The following USP35 variants were observed in gnomAD, a reference collection of about 807,000 sequenced individuals.
The protein encoded by USP35 is ubiquitin specific peptidase 35.
In USP35, 69 loss-of-function variants were observed where a neutral mutation model predicts 83.8. The observed-to-expected ratio is 0.82, with a 90% CI of 0.68 to 1.01. USP35 has a LOEUF of 1.01. Among genes scored for constraint, USP35 ranks in the 50% least tolerant of loss-of-function variants. USP35 has a pLI of 0.00. For synonymous variants in USP35, 714 were observed against 589.5 expected (o/e 1.21, Z -3.06); for missense variants, 1,503 against 1,362.5 (o/e 1.10, Z -1.62).
Position 78,209,512 on chromosome 11 carries a change from T to C in USP35, c.1657T>C (p.Ser553Pro), listed in dbSNP as rs1210777681. 1 of 1,613,880 alleles carries C rather than the reference T, an allele frequency of 6.2e-7. No homozygotes were observed. The highest frequency in any genetic ancestry group is 8.5e-7 in the Non-Finnish European group (1 of 1,179,984). Residue 553 changes from serine (S) to proline (P), a missense_variant, in exon 10 of 11, where the codon TCT becomes CCT. Coordinates refer to ENST00000529308, the MANE Select transcript of USP35 (RefSeq NM_020798.4). Reference sequence around the variant, plus strand: ...GAAACTCAAGCAGTCCAGCTCGCCCTCTCCGCCCGAGGAGCCCCCGGCCCC... The same window carrying C: ...GAAACTCAAGCAGTCCAGCTCGCCCCCTCCGCCCGAGGAGCCCCCGGCCCC... ...CQKLKQSSSP[S>P]PPEEPPAPSS...
Position 78,197,188 on chromosome 11 carries a change from G to C in USP35, c.673+270G>C, listed in dbSNP as rs114714784. ...AAAAGGATACGGGTCAGCCTGGCCG[G>C]AGGGAGGAACGGGAAGTTGAGCAAG... On this transcript the variant is annotated intron_variant, in intron 2 of 10. Coordinates refer to ENST00000529308, the MANE Select transcript of USP35 (RefSeq NM_020798.4). Among the ~76,000 whole-genome samples, 903 of 150,352 alleles carry C rather than the reference G, an allele frequency of 6.0e-3. 16 individuals are homozygous for C. The highest frequency in any genetic ancestry group is 0.021 in the African/African-American group (872 of 40,922).
At chr11:78,191,910 C>G (rs1863017213) in intron 1 of USP35, among the ~76,000 whole-genome samples, 1 of 144,032 alleles carries the variant, frequency 6.9e-6, no homozygotes, top group African/African-American at 2.6e-5. Context: ...GTGGCATGAT[C>G]TCGGCTCACT....
chr11:78,206,060 G>A (rs1295299017), intron 7 of USP35, 25 bp downstream of exon 7: 2 of 1,597,454 alleles, frequency 1.3e-6, no homozygotes, highest in Admixed American at 3.4e-5. Flanking sequence ...GGAATTCCCT[G>A]TCTGCCCTTG....
chr11:78,197,605 C>G (rs1385013431), intron 2 of USP35, among the ~76,000 whole-genome samples: 1 of 152,202 alleles, frequency 6.6e-6, no homozygotes, highest in Non-Finnish European at 1.5e-5. Flanking sequence ...TGTGGCTCCA[C>G]TTGGAGTATC....
chr11:78,217,196 C>T (rs542797571), downstream of USP35: 14 of 152,410 alleles, frequency 9.2e-5, no homozygotes, highest in Admixed American at 5.9e-4. Flanking sequence ...CCTCCATCAG[C>T]ATTTGAAGTC....
At position 78,196,391 on chromosome 11, in the gene USP35, A is replaced by G; in HGVS notation, c.146A>G (p.Tyr49Cys). ...LALLALGARL[Y>C]VGGAEELPRR... ...CTGCTGGCGCTGGGCGCGCGCCTCTACGTGGGCGGCGCGGAGGAGCTGCCG... is the reference window on the plus strand; with the variant it reads ...CTGCTGGCGCTGGGCGCGCGCCTCTGCGTGGGCGGCGCGGAGGAGCTGCCG... Residue 49 changes from tyrosine (Y) to cysteine (C), a missense_variant, in exon 2 of 11, where the codon TAC becomes TGC. Coordinates refer to ENST00000529308, the MANE Select transcript of USP35 (RefSeq NM_020798.4). The surrounding 1 kb of genome is among the most constrained non-coding windows in gnomAD (Gnocchi z 4.8). 2 of 1,436,292 alleles carry G rather than the reference A, an allele frequency of 1.4e-6. No homozygotes were observed. The highest frequency in any genetic ancestry group is 1.8e-6 in the Non-Finnish European group (2 of 1,107,388). The allele number at this position is 1,436,292 out of a possible 1,614,324, so 89.0% of individuals were successfully genotyped here.
rs974536480 is a variant in USP35, at chr11:78,200,023, C to T, written c.937-110C>T. On this transcript the variant is annotated intron_variant, in intron 4 of 10. Transcript: ENST00000529308. ...TGTGAGCACCTCAGTGTTGATCCCTCTGCATGGGTTTGAACTCTAGGGTGT... is the reference window on the plus strand; with the variant it reads ...TGTGAGCACCTCAGTGTTGATCCCTTTGCATGGGTTTGAACTCTAGGGTGT... 185 of 1,207,940 alleles carry T rather than the reference C, an allele frequency of 1.5e-4. 1 individual carries two copies. The highest frequency in any genetic ancestry group is 2.1e-4 in the Non-Finnish European group (172 of 820,052). 74.8% of individuals were successfully genotyped at this position (1,207,940 alleles called of 1,614,324 possible).
At chr11:78,229,925 A>T in the USP35 span, among the ~76,000 whole-genome samples, 1 of 152,212 alleles carries the variant, frequency 6.6e-6, no homozygotes, top group Admixed American at 6.5e-5. Flanking sequence ...GGCCATTCTT[A>T]CATCCTCTAC....
the USP35 span, chr11:78,232,025 A>G: frequency 6.6e-6 from 1 of 152,236 alleles, no homozygotes; most frequent in African/African-American, 2.4e-5. Context: ...CAATCTTTGT[A>G]TCTCAAACCC....
At chr11:78,190,795 G>C (rs186842636) in intron 1 of USP35, among the ~76,000 whole-genome samples, 1 of 152,310 alleles carries the variant, frequency 6.6e-6, no homozygotes, top group Non-Finnish European at 1.5e-5. Context: ...GGAGAGAAGA[G>C]GGAAAAGCCC....
the USP35 span, among the ~76,000 whole-genome samples, chr11:78,220,624 GA>G: frequency 1.3e-5 from 2 of 152,278 alleles, no homozygotes; most frequent in East Asian, 3.9e-4. Flanking sequence ...AGGTAGGTAT[GA>G]TTACTGTTGA....
the USP35 span, among the ~76,000 whole-genome samples, chr11:78,224,954 C>T: frequency 2.0e-5 from 3 of 152,210 alleles, no homozygotes; most frequent in Non-Finnish European, 1.5e-5. Context: ...TGTCCAAAGA[C>T]TCAACGCAGG....
the USP35 span, among the ~76,000 whole-genome samples, chr11:78,224,737 C>T: frequency 6.6e-6 from 1 of 152,072 alleles, no homozygotes; most frequent in East Asian, 1.9e-4. Flanking sequence ...ACTGTGAGTA[C>T]CACCCTTGCC....
At chr11:78,194,808 G>A (rs1863095292) in intron 1 of USP35, among the ~76,000 whole-genome samples, 1 of 152,216 alleles carries the variant, frequency 6.6e-6, no homozygotes. Context: ...TGGGGATACT[G>A]TGGTGAACAA....
the USP35 span, chr11:78,226,827 A>T: frequency 6.2e-7 from 1 of 1,614,028 alleles, no homozygotes; most frequent in Non-Finnish European, 8.5e-7. Context: ...GGAGCCTGTG[A>T]GGCTGCCCTT....
At chr11:78,210,960 G>C (rs115106131) in intron 10 of USP35, among the ~76,000 whole-genome samples, 2,456 of 152,278 alleles carry the variant, frequency 0.016, 68 homozygotes, top group African/African-American at 0.056. Flanking sequence ...TATTTTTTAA[G>C]TTCCAGGGTA....
At chr11:78,219,156 G>A, downstream of USP35, 1 of 996,918 alleles carries the variant, frequency 1.0e-6, no homozygotes, top group South Asian at 1.5e-5. Flanking sequence ...TTTGAAGGCT[G>A]AGACTGGCAG....
the USP35 span, among the ~76,000 whole-genome samples, chr11:78,230,608 G>A: frequency 9.2e-5 from 14 of 152,252 alleles, no homozygotes; most frequent in Non-Finnish European, 1.8e-4. Context: ...CTAGAAGGCA[G>A]AGGGCCATAT....
chr11:78,219,380 C>T (rs764981508), downstream of USP35: 1 of 1,613,984 alleles, frequency 6.2e-7, no homozygotes, highest in South Asian at 1.1e-5. Flanking sequence ...GAACGTAGTC[C>T]ACCTTCTCAT....
Sources: allele counts gnomAD v4.1 joint callset (sites outside exome capture counted in the v4.1 genomes callset), GRCh38; gene constraint gnomAD v4.1.1; non-coding constraint Gnocchi (gnomAD v3.1); transcripts MANE v1.5; gene names NCBI Gene and HGNC (gene_info 2026-07-23, HGNC 2026-07-21).